Variants in NAA60 observed in about 807,000 individuals in gnomAD.
NAA60 encodes the protein N-alpha-acetyltransferase 60, NatF catalytic subunit.
A neutral mutation model predicts 26.1 loss-of-function variants in NAA60; 8 were observed. That is an observed-to-expected ratio of 0.31 (90% CI 0.18 to 0.55). NAA60 has a LOEUF of 0.55. Among genes scored for constraint, NAA60 ranks in the 20% least tolerant of loss-of-function variants. The pLI is 0.93. For missense variants in NAA60, 290 were observed against 311.3 expected (o/e 0.93, Z 0.51); for synonymous variants, 131 against 122.5 (o/e 1.07, Z -0.46).
Position 3,485,034 on chromosome 16 carries a change from A to T in NAA60, c.*179A>T. ...GGCTCGGGAACAGAACATCGTGGGC[A>T]TGCGCAGAGCATGCCCATCCGTGGC... On this transcript the variant is annotated 3_prime_UTR_variant, in exon 7 of 8. Transcript: ENST00000407558. The T allele has an allele frequency of 6.6e-7, 1 of 1,515,362 alleles. No individual in the cohort carries two copies. The highest frequency in any genetic ancestry group is 8.8e-7 in the Non-Finnish European group (1 of 1,131,106). The allele number at this position is 1,515,362 out of a possible 1,614,324, so 93.9% of individuals were successfully genotyped here.
At chr16:3,449,725 T>C (rs1448704923) in intron 2 of NAA60, among the ~76,000 whole-genome samples, 1 of 152,138 alleles carries the variant, frequency 6.6e-6, no homozygotes, top group African/African-American at 2.4e-5. Flanking sequence ...TCATCTGCAA[T>C]TCCCATATAT....
At chr16:3,474,754 C>G (rs984762273) in intron 2 of NAA60, among the ~76,000 whole-genome samples, 1 of 152,354 alleles carries the variant, frequency 6.6e-6, no homozygotes, top group Non-Finnish European at 1.5e-5. Context: ...ACGGCCTTTC[C>G]TGATTGTTGT....
In NAA60 at chr16:3,466,463, T is replaced by A. The variant is rs531807912; in HGVS notation, c.-6-9759T>A. ...GAAACAAGCCATGCGCAGTGTTAGC[T>A]GCTGACATCCTCCACTTTTAGCCCT... is the stretch of plus-strand genomic sequence containing the variant. On this transcript the variant is annotated intron_variant, in intron 2 of 7. Coordinates refer to ENST00000407558, the MANE Select transcript of NAA60 (RefSeq NM_001083601.3). Among the ~76,000 whole-genome samples, 9 of 152,374 alleles carry A rather than the reference T, an allele frequency of 5.9e-5. No homozygotes were observed. In the South Asian group the frequency reaches 8.3e-4, roughly 14 times the overall value.
rs1237767177 is a variant in NAA60, at chr16:3,473,704, C to CTTT, written c.-6-2515_-6-2513dup. On this transcript the variant is annotated intron_variant, in intron 2 of 7. Transcript: ENST00000407558. ...TGCGAGCCACCATGCTTGGCCCCAG[C>CTTT]TTTTTGTTGTTGTTGTTGTTGTTGT... Among the ~76,000 whole-genome samples the CTTT allele has an allele frequency of 2.9e-5, 4 of 137,300 alleles. No homozygotes were observed. The East Asian group carries it at 6.8e-4, about 23-fold the overall frequency. 90.1% of individuals were successfully genotyped at this position (137,300 alleles called of 152,430 possible).
At chr16:3,461,251 T>A (rs1300069049) in intron 2 of NAA60, among the ~76,000 whole-genome samples, 1 of 152,092 alleles carries the variant, frequency 6.6e-6, no homozygotes, top group Non-Finnish European at 1.5e-5. Flanking sequence ...GTGGGAGTGA[T>A]AGGAAGGGGG....
At position 3,476,691 on chromosome 16, in the gene NAA60, A is replaced by C. The variant is rs528646221; in HGVS notation, c.110+354A>C. Reference sequence around the variant, plus strand: ...GAGTAATTAGAGTATGTGCATATAAAAGTGCAATATTATTCAGCCGGGAAA... The same window carrying C: ...GAGTAATTAGAGTATGTGCATATAACAGTGCAATATTATTCAGCCGGGAAA... On this transcript the variant is annotated intron_variant, in intron 3 of 7. Coordinates refer to ENST00000407558, the MANE Select transcript of NAA60 (RefSeq NM_001083601.3). Among the ~76,000 whole-genome samples the C allele has an allele frequency of 2.8e-4, 42 of 152,324 alleles. 1 individual carries two copies. The South Asian group carries it at 8.5e-3, about 31-fold the overall frequency.
intron 1 of NAA60, among the ~76,000 whole-genome samples, chr16:3,446,530 G>GAA (rs200188990): frequency 4.9e-5 from 4 of 81,838 alleles, no homozygotes; most frequent in Non-Finnish European, 7.4e-5. Flanking sequence ...GACTCTGTCT[G>GAA]AAAAAAAAAA....
chr16:3,464,268 C>T (rs945693813), intron 2 of NAA60, among the ~76,000 whole-genome samples: 2 of 152,208 alleles, frequency 1.3e-5, no homozygotes, highest in East Asian at 1.9e-4. Context: ...CTGCCTCGGC[C>T]TCCCAAAGTG....
intron 1 of NAA60, 146 bp from the exon 2 acceptor site, chr16:3,448,325 T>G: frequency 4.6e-5 from 23 of 499,868 alleles, no homozygotes; most frequent in East Asian, 1.8e-4. Context: ...GAGAACTACA[T>G]GTTTAGATAG....
intron 2 of NAA60, among the ~76,000 whole-genome samples, chr16:3,474,570 AC>A (rs2151000026): frequency 6.6e-6 from 1 of 152,330 alleles, no homozygotes; most frequent in South Asian, 2.1e-4. Context: ...GGCACTTCCC[AC>A]CCATGGCAGC....
chr16:3,455,655 A>G (rs1381796052), intron 2 of NAA60, among the ~76,000 whole-genome samples: 2 of 151,942 alleles, frequency 1.3e-5, no homozygotes, highest in African/African-American at 4.8e-5. Context: ...TTGGCCTCCC[A>G]AAGTGCTGGG....
At chr16:3,470,709 A>G (rs192510278) in intron 2 of NAA60, among the ~76,000 whole-genome samples, 3 of 152,320 alleles carry the variant, frequency 2.0e-5, no homozygotes, top group Non-Finnish European at 4.4e-5. Flanking sequence ...ATCATCTCCG[A>G]CTTGATCAGC....
At chr16:3,469,487 C>T (rs1182048124) in intron 2 of NAA60, among the ~76,000 whole-genome samples, 3 of 148,236 alleles carry the variant, frequency 2.0e-5, no homozygotes, top group African/African-American at 7.4e-5. Context: ...CCTGGCGGGG[C>T]CTGTCTCTGA....
intron 2 of NAA60, chr16:3,457,911 GCTCCCAAC>G: frequency 2.5e-6 from 1 of 397,494 alleles, no homozygotes; most frequent in South Asian, 1.5e-4. Flanking sequence ...GAGCCTGCCC[GCTCCCAAC>G]CTGCCCGCTC....
At chr16:3,466,987 G>T (rs2035804473) in intron 2 of NAA60, among the ~76,000 whole-genome samples, 1 of 152,212 alleles carries the variant, frequency 6.6e-6, no homozygotes, top group Non-Finnish European at 1.5e-5. Context: ...CTGGAAAGGA[G>T]GTGGCAGGGA....
In NAA60 at chr16:3,465,981, G is replaced by A. The variant is rs377460679; in HGVS notation, c.-6-10241G>A. Among the ~76,000 whole-genome samples the A allele has an allele frequency of 5.3e-5, 8 of 152,180 alleles. No individual in the cohort carries two copies. The East Asian group carries it at 7.7e-4, about 15-fold the overall frequency. The stretch of plus-strand genomic sequence containing the variant: ...CCCAGGGAAGATTGAGTCAGGACCC[G>A]GGACCTTGCCGGAACACCTGTGGCC... On this transcript the variant is annotated intron_variant, in intron 2 of 7. Coordinates refer to ENST00000407558, the MANE Select transcript of NAA60 (RefSeq NM_001083601.3).
intron 5 of NAA60, 147 bp downstream of exon 5, chr16:3,482,745 G>A (rs765952357): frequency 2.9e-5 from 19 of 655,342 alleles, no homozygotes; most frequent in Admixed American, 9.0e-5. Context: ...CCTCGTTCCC[G>A]TCTTGGGCCA....
intron 2 of NAA60, among the ~76,000 whole-genome samples, chr16:3,469,149 G>T (rs982854582): frequency 6.6e-6 from 1 of 152,018 alleles, no homozygotes; most frequent in African/African-American, 2.4e-5. Context: ...CCTGCTTGTT[G>T]TAGTAGAGAT....
intron 2 of NAA60, among the ~76,000 whole-genome samples, chr16:3,470,074 T>C (rs1418324277): frequency 6.6e-6 from 1 of 152,172 alleles, no homozygotes; most frequent in East Asian, 1.9e-4. Flanking sequence ...CCAAAGTTAG[T>C]GGTTGGAACT....
Sources: allele counts gnomAD v4.1 joint callset (sites outside exome capture counted in the v4.1 genomes callset), GRCh38; gene constraint gnomAD v4.1.1; transcripts MANE v1.5; gene names NCBI Gene and HGNC (gene_info 2026-07-23, HGNC 2026-07-21).